The following ADD3 variants were observed in gnomAD, a reference collection of about 807,000 sequenced individuals.
ADD3 encodes adducin 3.
A neutral mutation model predicts 80.2 loss-of-function variants in ADD3; 25 were observed. The ratio of observed to expected loss-of-function variants is 0.31; its 90% CI spans 0.23 to 0.44. The LOEUF (loss-of-function observed/expected upper bound fraction) is 0.44. ADD3 is among the 20% of genes least tolerant of loss of function. The probability of loss-of-function intolerance (pLI) is 1.00; values close to 1 mark genes in which losing one functional copy is unlikely to be tolerated. For synonymous variants in ADD3, 284 were observed against 289.6 expected, an observed-to-expected ratio of 0.98 and a Z score of 0.20; for missense variants, 829 against 847.5, an observed-to-expected ratio of 0.98 and a Z score of 0.27.
Position 110,125,866 on chromosome 10 carries a change from C to A in ADD3, c.1442C>A (p.Thr481Lys), listed in dbSNP as rs1188508031. Reference protein sequence around the residue: ...AEDSSKVSGGTPIKIEDPNQF... With the variant: ...AEDSSKVSGGKPIKIEDPNQF... ...GACTCATCTAAAGTTAGTGGTGGAA[C>A]ACCTATCAAAATTGAAGATCCAAAT... The change falls in exon 11 of 15, where the codon ACA becomes AAA. Residue 481 changes from threonine to lysine, a missense_variant. Coordinates refer to ENST00000356080, the MANE Select transcript of ADD3 (RefSeq NM_016824.5). 6.2e-7 allele frequency: 1 copy of A among 1,609,766 alleles called. No homozygotes were observed.
At chr10:110,089,188 C>T (rs1847172936) in intron 1 of ADD3, among the ~76,000 whole-genome samples, 2 of 151,922 alleles carry the variant, frequency 1.3e-5, no homozygotes, top group South Asian at 4.1e-4. Context: ...AAAAAAAAAG[C>T]TTTTTGCCTA....
intron 1 of ADD3, among the ~76,000 whole-genome samples, chr10:110,024,124 C>T (rs890741964): frequency 3.3e-5 from 5 of 152,054 alleles, no homozygotes; most frequent in East Asian, 3.9e-4. Flanking sequence ...ACAATATACC[C>T]GTGTAATAAG....
chr10:110,083,359 AC>A (rs1363466919), intron 1 of ADD3, among the ~76,000 whole-genome samples: 1 of 152,300 alleles, frequency 6.6e-6, no homozygotes, highest in African/African-American at 2.4e-5. Flanking sequence ...TACTAAAAAT[AC>A]AAAAAATTAG....
At position 110,121,106 on chromosome 10, in the gene ADD3, C is replaced by T. The variant is rs1002537525; in HGVS notation, c.961-1004C>T. ...TAGGCATGGGCAAGGACTTCATGTC[C>T]AAAACACCAAAAGCAATGGCAACAA... On this transcript the variant is annotated intron_variant, in intron 8 of 14. Coordinates refer to ENST00000356080, the MANE Select transcript of ADD3 (RefSeq NM_016824.5). 2.0e-5 allele frequency among the ~76,000 whole-genome samples: 3 copies of T among 151,936 alleles called. No homozygotes were observed. In the East Asian group the frequency reaches 5.8e-4, roughly 29 times the overall value.
chr10:110,132,570 C>G (rs1247258532), intron 14 of ADD3, 170 bp downstream of exon 14: 1 of 572,390 alleles, frequency 1.7e-6, no homozygotes, highest in Non-Finnish European at 3.1e-6. Context: ...TGGGGCGCTA[C>G]TTTTGTTCAG....
intron 1 of ADD3, among the ~76,000 whole-genome samples, chr10:110,090,569 A>G (rs1199397746): frequency 6.6e-6 from 1 of 152,202 alleles, no homozygotes; most frequent in African/African-American, 2.4e-5. Flanking sequence ...ATTATGAACA[A>G]TGTGTGTGTT....
At position 110,130,211 on chromosome 10, in the gene ADD3, A is replaced by G. The variant is rs143436911; in HGVS notation, c.1609-152A>G. 2.1e-4 allele frequency: 161 copies of G among 752,608 alleles called. No homozygotes were observed. In the African/African-American group the frequency reaches 2.6e-3, roughly 12 times the overall value. 46.6% of individuals were successfully genotyped at this position (752,608 alleles called of 1,614,324 possible). ...CATCAATCTTACAAGAGCATTTTAA[A>G]CAAAGCATGTTACCTTGCATTTCTT... On this transcript the variant is annotated intron_variant, in intron 12 of 14. Transcript: ENST00000356080.
At chr10:110,112,537 T>A (rs1244185652) in intron 2 of ADD3, among the ~76,000 whole-genome samples, 1 of 152,232 alleles carries the variant, frequency 6.6e-6, no homozygotes, top group Non-Finnish European at 1.5e-5. Flanking sequence ...AGTGTAGATA[T>A]TATAATATCT....
At chr10:110,014,999 G>A (rs1852782549) in intron 1 of ADD3, among the ~76,000 whole-genome samples, 1 of 151,510 alleles carries the variant, frequency 6.6e-6, no homozygotes, top group African/African-American at 2.4e-5. Context: ...TCAGCTTCCC[G>A]AGTAGCTGGG....
chr10:110,056,484 A>G lies in ADD3; in HGVS notation c.-29-44141A>G, dbSNP rs184367457. On this transcript the variant is annotated intron_variant, in intron 1 of 14. Coordinates refer to ENST00000356080, the MANE Select transcript of ADD3 (RefSeq NM_016824.5). ...AAAACTGTTTTGAAGATGACAGCAC[A>G]GCCGAAGTAAGGGTTTTTTCTCCTT... 1.8e-4 allele frequency among the ~76,000 whole-genome samples: 27 copies of G among 152,348 alleles called. No homozygotes were observed. In the East Asian group the frequency reaches 5.2e-3, roughly 29 times the overall value.
At chr10:110,109,377 T>A (rs964406043) in intron 2 of ADD3, among the ~76,000 whole-genome samples, 2 of 152,250 alleles carry the variant, frequency 1.3e-5, no homozygotes, top group African/African-American at 4.8e-5. Flanking sequence ...ACCTCATTCC[T>A]GGCTCTGTCT....
intron 1 of ADD3, among the ~76,000 whole-genome samples, chr10:110,071,887 A>T (rs1261601483): frequency 6.6e-6 from 1 of 151,522 alleles, no homozygotes; most frequent in Non-Finnish European, 1.5e-5. Context: ...TATGTTGTGT[A>T]CATTTTTTTA....
At chr10:110,074,849 C>G (rs1158453215) in intron 1 of ADD3, among the ~76,000 whole-genome samples, 5 of 152,206 alleles carry the variant, frequency 3.3e-5, no homozygotes, top group Admixed American at 2.6e-4. Flanking sequence ...GCCTCTGGCA[C>G]TCAGTAGAGT....
chr10:110,060,292 GT>G (rs1388671351), intron 1 of ADD3, among the ~76,000 whole-genome samples: 1 of 152,164 alleles, frequency 6.6e-6, no homozygotes, highest in Non-Finnish European at 1.5e-5. Context: ...GGAGTAAGAA[GT>G]TGGGTATATG....
chr10:110,050,959 G>A (rs1226397242), intron 1 of ADD3, among the ~76,000 whole-genome samples: 1 of 152,206 alleles, frequency 6.6e-6, no homozygotes, highest in African/African-American at 2.4e-5. Flanking sequence ...GGTGTTTGGA[G>A]GGCAATTTGC....
intron 1 of ADD3, among the ~76,000 whole-genome samples, chr10:110,011,179 C>G (rs1187752502): frequency 1.3e-5 from 2 of 150,860 alleles, no homozygotes; most frequent in African/African-American, 4.9e-5. Context: ...TGCAGTAAAT[C>G]AGTAAACCTT....
chr10:110,119,970 A>G (rs536575259), intron 8 of ADD3, among the ~76,000 whole-genome samples: 5 of 152,362 alleles, frequency 3.3e-5, no homozygotes, highest in East Asian at 3.9e-4. Flanking sequence ...GCAGTTTTCA[A>G]CAATTCCACA....
chr10:110,020,079 C>G (rs1487610092), intron 1 of ADD3, among the ~76,000 whole-genome samples: 1 of 152,220 alleles, frequency 6.6e-6, no homozygotes, highest in East Asian at 1.9e-4. Context: ...CCACTCTCAT[C>G]TGAACTTTAT....
intron 1 of ADD3, among the ~76,000 whole-genome samples, chr10:110,021,814 C>A (rs949939695): frequency 6.6e-6 from 1 of 151,732 alleles, no homozygotes; most frequent in Non-Finnish European, 1.5e-5. Flanking sequence ...TGCAACATTG[C>A]GAATATACTG....
Sources: allele counts gnomAD v4.1 joint callset (sites outside exome capture counted in the v4.1 genomes callset), GRCh38; gene constraint gnomAD v4.1.1; transcripts MANE v1.5; gene names NCBI Gene and HGNC (gene_info 2026-07-23, HGNC 2026-07-21).